The following SEMA4A variants were observed in gnomAD, a reference collection of about 807,000 sequenced individuals.
SEMA4A encodes the protein semaphorin 4A.
A neutral mutation model predicts 72.5 loss-of-function variants in SEMA4A; 52 were observed. That is an observed-to-expected ratio of 0.72 (90% CI 0.57 to 0.90). The LOEUF is 0.90. Among genes scored for constraint, SEMA4A ranks in the 40% least tolerant of loss-of-function variants. The pLI is 0.00. For synonymous variants in SEMA4A, 369 were observed against 393.1 expected (o/e 0.94, Z 0.73); for missense variants, 926 against 959.7 (o/e 0.96, Z 0.46).
chr1:156,161,323 C>CT, intron 8 of SEMA4A, 23 bp from the exon 9 acceptor site: 1 of 943,022 alleles, frequency 1.1e-6, no homozygotes. Flanking sequence ...CGGGGCGCCC[C>CT]CTGACTCCCC....
intron 10 of SEMA4A, among the ~76,000 whole-genome samples, chr1:156,169,482 C>G (rs1302303578): frequency 1.5e-5 from 2 of 133,314 alleles, no homozygotes; most frequent in Non-Finnish European, 3.0e-5. Context: ...AGCAGTGGTG[C>G]GATCTCGGCT....
At chr1:156,172,465 G>GTC in intron 10 of SEMA4A, among the ~76,000 whole-genome samples, 1 of 152,168 alleles carries the variant, frequency 6.6e-6, no homozygotes, top group Admixed American at 6.5e-5. Context: ...CTTCCTGCTG[G>GTC]CTGCCAGGCC....
chr1:156,159,028 T>A, intron 6 of SEMA4A: 2 of 348,098 alleles, frequency 5.7e-6, no homozygotes, highest in Non-Finnish European at 1.0e-5. Flanking sequence ...AGCGAGATCG[T>A]CTCAAAAAAA....
chr1:156,157,965 T>C lies in SEMA4A; in HGVS notation c.301-105T>C. 7 of 1,107,780 alleles carry C rather than the reference T, an allele frequency of 6.3e-6. No homozygotes were observed. The highest frequency in any genetic ancestry group is 8.2e-6 in the Non-Finnish European group (6 of 735,566). The allele number at this position is 1,107,780 out of a possible 1,614,324, so 68.6% of individuals were successfully genotyped here. A position where few individuals can be genotyped will look rare whatever the true frequency, so the allele number is the denominator to read the frequency against. Reference sequence around the variant, plus strand: ...CCCATCAGCATGTCACTAACCACCATGTCTGCTGGTTATTTCACATCAGAG... The same window carrying C: ...CCCATCAGCATGTCACTAACCACCACGTCTGCTGGTTATTTCACATCAGAG... On this transcript the variant is annotated intron_variant, in intron 3 of 14. Coordinates refer to ENST00000368285, the MANE Select transcript of SEMA4A (RefSeq NM_022367.4). The surrounding 1 kb of genome is among the most constrained non-coding windows in gnomAD (Gnocchi z 4.5).
intron 10 of SEMA4A, among the ~76,000 whole-genome samples, chr1:156,164,788 C>T (rs1558154331): frequency 6.6e-6 from 1 of 151,600 alleles, no homozygotes; most frequent in Non-Finnish European, 1.5e-5. Context: ...GTTTTCTAAG[C>T]TTTTTATTTA....
upstream of SEMA4A, among the ~76,000 whole-genome samples, chr1:156,151,140 G>A (rs1455005198): frequency 6.6e-6 from 1 of 152,216 alleles, no homozygotes; most frequent in South Asian, 2.1e-4. Flanking sequence ...CTGTGTGCAG[G>A]ACCTGCTATA....
intron 6 of SEMA4A, 146 bp downstream of exon 6, chr1:156,158,970 G>A: frequency 1.6e-6 from 1 of 611,926 alleles, no homozygotes; most frequent in Non-Finnish European, 3.0e-6. Flanking sequence ...GGAAGCTGAA[G>A]TTGAAGGATG....
chr1:156,164,579 A>T (rs1653987687), intron 10 of SEMA4A, among the ~76,000 whole-genome samples: 1 of 152,198 alleles, frequency 6.6e-6, no homozygotes, highest in Non-Finnish European at 1.5e-5. Flanking sequence ...GCAAAAGCTG[A>T]CTTGGACCAA....
At chr1:156,150,697 C>T (rs11805565), upstream of SEMA4A, among the ~76,000 whole-genome samples, 1 of 151,940 alleles carries the variant, frequency 6.6e-6, no homozygotes, top group Non-Finnish European at 1.5e-5. Flanking sequence ...TCAGAGGTAG[C>T]ATAGAGTCGG....
Position 156,177,502 on chromosome 1 carries a change from C to A in SEMA4A, c.*505C>A. 1 of 220,742 alleles carries A rather than the reference C, an allele frequency of 4.5e-6. No individual in the cohort carries two copies. Among genetic ancestry groups the A allele is most frequent in the Non-Finnish European group, 9.2e-6 (1 of 108,470 alleles). The allele number at this position is 220,742 out of a possible 1,614,324, so 13.7% of individuals were successfully genotyped here. ...GATCTGCTCCCTCCTGCTTCCCTTA[C>A]CAGTCGTGCACCGCTGACTCCCAGG... On this transcript the variant is annotated 3_prime_UTR_variant, in exon 15 of 15. Transcript: ENST00000368285.
intron 6 of SEMA4A, 162 bp downstream of exon 6, chr1:156,158,986 G>T (rs1230568157): frequency 2.8e-5 from 15 of 527,076 alleles, no homozygotes; most frequent in Non-Finnish European, 2.8e-5. Context: ...GGATGCTTGA[G>T]TTTAGGGGTT....
In SEMA4A at chr1:156,175,628, C is replaced by A; in HGVS notation, c.1665C>A (p.Ser555Arg). 6.2e-7 allele frequency: 1 copy of A among 1,611,506 alleles called. No individual in the cohort carries two copies. Among genetic ancestry groups the A allele is most frequent in the African/African-American group, 1.3e-5 (1 of 75,016 alleles). ...WACASGPMSR[S>R]LRPQSRPQII... ...GTGCCAGTGGCCCCATGAGCAGGAGCCTTCGGCCTCAGAGCCGCCCGCAAA... is the reference window on the plus strand; with the variant it reads ...GTGCCAGTGGCCCCATGAGCAGGAGACTTCGGCCTCAGAGCCGCCCGCAAA... The change falls in exon 14 of 15, where the codon AGC (serine) becomes AGA (arginine). Residue 555 changes from serine (S) to arginine (R), a missense_variant. Coordinates refer to ENST00000368285, the MANE Select transcript of SEMA4A (RefSeq NM_022367.4).
rs1169739322 is a variant in SEMA4A at position 156,160,529 on chromosome 1, A to T, written c.655A>T (p.Lys219Ter). 1 of 1,614,090 alleles carries T rather than the reference A, an allele frequency of 6.2e-7. No individual in the cohort carries two copies. Among genetic ancestry groups the T allele is most frequent in the Admixed American group, 1.7e-5 (1 of 60,016 alleles). Residue 219 changes from lysine to a stop codon, truncating the protein, a stop_gained, in exon 7 of 15, where the codon AAG (lysine) becomes TAG (stop). Coordinates refer to ENST00000368285, the MANE Select transcript of SEMA4A (RefSeq NM_022367.4). LOFTEE classifies it high-confidence loss of function. ...CACACTGGGATCCCAGCCTGTCCTC[A>T]AGACCGACAACTTCCTCCGCTGGCT... is the stretch of plus-strand genomic sequence containing the variant. ...MRTLGSQPVLKTDNFLRWLHH... is the reference protein window; with the variant it reads ...MRTLGSQPVL
At chr1:156,160,669 G>T (rs920907199) in intron 7 of SEMA4A, 110 bp downstream of exon 7, 27 of 1,074,904 alleles carry the variant, frequency 2.5e-5, no homozygotes, top group Admixed American at 5.8e-5. Context: ...TTAGGCGCAG[G>T]GGGTATATGG....
intron 13 of SEMA4A, 88 bp from the exon 14 acceptor site, chr1:156,175,468 C>T: frequency 1.7e-6 from 2 of 1,194,862 alleles, no homozygotes; most frequent in Non-Finnish European, 2.5e-6. Flanking sequence ...GGCCTACCTT[C>T]TTCCCTACTG....
chr1:156,149,955 C>T (rs554827425), upstream of SEMA4A: 1 of 151,966 alleles, frequency 6.6e-6, no homozygotes, highest in South Asian at 2.1e-4. Context: ...GAGATGCGGT[C>T]GCCATGGTGA....
Position 156,161,423 on chromosome 1 carries a change from G to C in SEMA4A, c.888G>C (p.Pro296=), listed in dbSNP as rs141021787. 85 of 1,609,992 alleles carry C rather than the reference G, an allele frequency of 5.3e-5. No homozygotes were observed. In the African/African-American group the frequency reaches 9.5e-4, roughly 18 times the overall value. The change falls in exon 9 of 15, where the codon CCG becomes CCC. Residue 296 remains proline, a synonymous_variant. Transcript: ENST00000368285. ...FLKAQLLCTQ[P]GQLPFNVIRH... is the part of the protein sequence containing the mutation. ...AGGCCCAGCTGCTCTGCACCCAGCC[G>C]GGGCAGCTGCCCTTCAACGTCATCC... is the stretch of plus-strand genomic sequence containing the variant.
At position 156,177,666 on chromosome 1, in the gene SEMA4A, C is replaced by T. The variant is rs1161369101; in HGVS notation, c.*669C>T. ...CCTAGCTGACCCCTTCACCTCTCCC[C>T]CTCCCTTTTCCTTTGTTTTGGGATT... On this transcript the variant is annotated 3_prime_UTR_variant, in exon 15 of 15. Coordinates refer to ENST00000368285, the MANE Select transcript of SEMA4A (RefSeq NM_022367.4). 1.9e-5 allele frequency: 3 copies of T among 155,212 alleles called. No individual in the cohort carries two copies. Among genetic ancestry groups the T allele is most frequent in the Non-Finnish European group, 4.3e-5 (3 of 69,682 alleles). 9.6% of individuals were successfully genotyped at this position (155,212 alleles called of 1,614,324 possible). A position where few individuals can be genotyped will look rare whatever the true frequency, so the allele number is the denominator to read the frequency against.
chr1:156,163,013 G>A lies in SEMA4A; in HGVS notation c.1053G>A (p.Lys351=). 1.9e-6 allele frequency: 3 copies of A among 1,614,166 alleles called. No individual in the cohort carries two copies. The highest frequency in any genetic ancestry group is 2.5e-6 in the Non-Finnish European group (3 of 1,180,038). Residue 351 remains lysine (K), a synonymous_variant, in exon 10 of 15, where the codon AAG becomes AAA. Coordinates refer to ENST00000368285, the MANE Select transcript of SEMA4A (RefSeq NM_022367.4). The stretch of plus-strand genomic sequence containing the variant: ...TCTTGGACATTGAACGTGTCTTTAA[G>A]GGGAAATACAAAGAGTTGAACAAAG... ...FSLLDIERVF[K]GKYKELNKET...
Sources: gnomAD v4.1 joint callset for allele counts (sites outside exome capture counted in the v4.1 genomes callset) on GRCh38, gnomAD v4.1.1 for gene constraint, Gnocchi (gnomAD v3.1) non-coding constraint, MANE v1.5 for transcripts, NCBI Gene and HGNC (gene_info 2026-07-23, HGNC 2026-07-21) for gene names.